Variants in SLC39A11 observed in about 807,000 individuals in gnomAD.
SLC39A11 encodes solute carrier family 39 member 11.
A neutral mutation model predicts 36.1 loss-of-function variants in SLC39A11; 33 were observed. That is an observed-to-expected ratio of 0.91 (90% confidence interval 0.69 to 1.22). The LOEUF (loss-of-function observed/expected upper bound fraction) is 1.22, where lower values mean the gene tolerates loss of function less well. Ranked by LOEUF, SLC39A11 falls within the 50% of genes most tolerant of loss-of-function variation. SLC39A11 has a pLI of 0.00. For missense variants in SLC39A11, 432 were observed against 430.3 expected (o/e 1.00, Z -0.03); for synonymous variants, 166 against 170.3 (o/e 0.97, Z 0.20).
chr17:73,052,866 A>G (rs1219572813), intron 3 of SLC39A11, among the ~76,000 whole-genome samples: 1 of 152,034 alleles, frequency 6.6e-6, no homozygotes, highest in East Asian at 1.9e-4. Context: ...ATGCCTGGCT[A>G]ATTTTTGCAT....
rs778405587 is a variant in SLC39A11 at position 72,849,800 on chromosome 17, C to A, written c.435G>T (p.Lys145Asn). ...TCTGATATGCCTCACCATTCTCACT[C>A]TTGTCTGAGCAAAAAAAAAAAAAAA... ...PESELSIRID[K>N]SENGEAYQRK... Residue 145 changes from lysine (K) to asparagine (N), a missense_variant, in exon 6 of 10, where the codon AAG becomes AAT. Coordinates refer to ENST00000255559, the MANE Select transcript of SLC39A11 (RefSeq NM_139177.4). 1 of 1,486,978 alleles carries A rather than the reference C, an allele frequency of 6.7e-7. No individual in the cohort carries two copies. The highest frequency in any genetic ancestry group is 8.8e-7 in the Non-Finnish European group (1 of 1,131,254). The allele number at this position is 1,486,978 out of a possible 1,614,324, so 92.1% of individuals were successfully genotyped here. A position where few individuals can be genotyped will look rare whatever the true frequency, so the allele number is the denominator to read the frequency against.
intron 5 of SLC39A11, among the ~76,000 whole-genome samples, chr17:72,883,928 G>T (rs1349232942): frequency 6.6e-6 from 1 of 152,176 alleles, no homozygotes; most frequent in Admixed American, 6.5e-5. Context: ...GCTGAGACAG[G>T]TGGATTGCTT....
chr17:73,084,774 T>C, intron 3 of SLC39A11, 34 bp downstream of exon 3: 2 of 1,612,136 alleles, frequency 1.2e-6, no homozygotes, highest in African/African-American at 1.3e-5. Context: ...TCAGTATGCC[T>C]CAATTTCCAT....
intron 4 of SLC39A11, among the ~76,000 whole-genome samples, chr17:73,012,331 A>C (rs188407736): frequency 6.6e-6 from 1 of 152,268 alleles, no homozygotes; most frequent in East Asian, 1.9e-4. Context: ...CATAGAGGAT[A>C]AACGCTTGAG....
chr17:72,836,696 C>T lies in SLC39A11; in HGVS notation c.601+12938G>A, dbSNP rs149712124. Among the ~76,000 whole-genome samples the T allele has an allele frequency of 4.7e-3, 722 of 152,160 alleles. 4 individuals carry two copies. Among genetic ancestry groups the T allele is most frequent in the African/African-American group, 0.016 (672 of 41,502 alleles). On this transcript the variant is annotated intron_variant, in intron 6 of 9. Coordinates refer to ENST00000255559, the MANE Select transcript of SLC39A11 (RefSeq NM_139177.4). ...CAGTTTCTAAAATGTAAAACAGGGA[C>T]GCAAATATCTAAATCATGTATGTGG...
intron 7 of SLC39A11, among the ~76,000 whole-genome samples, chr17:72,670,763 C>T (rs1051084226): frequency 6.6e-6 from 1 of 152,116 alleles, no homozygotes. Flanking sequence ...TTGACATGGC[C>T]TTTTGGAAAG....
intron 4 of SLC39A11, among the ~76,000 whole-genome samples, chr17:73,030,592 A>ATTTT (rs1210356426): frequency 6.6e-6 from 1 of 152,068 alleles, no homozygotes; most frequent in Non-Finnish European, 1.5e-5. Context: ...ACTTTGACCC[A>ATTTT]TTTCTCTCCA....
At chr17:72,719,265 C>T (rs894621518) in intron 7 of SLC39A11, among the ~76,000 whole-genome samples, 2 of 152,030 alleles carry the variant, frequency 1.3e-5, no homozygotes, top group African/African-American at 4.8e-5. Context: ...CCTGAATCTG[C>T]CTCTTACCAG....
chr17:72,771,032 C>T (rs886150182), intron 6 of SLC39A11, among the ~76,000 whole-genome samples: 5 of 150,530 alleles, frequency 3.3e-5, no homozygotes, highest in Admixed American at 2.6e-4. Context: ...TTAGCATTTA[C>T]GACATGCCAG....
At chr17:72,683,059 C>T (rs1223146718) in intron 7 of SLC39A11, among the ~76,000 whole-genome samples, 1 of 152,212 alleles carries the variant, frequency 6.6e-6, no homozygotes, top group Non-Finnish European at 1.5e-5. Flanking sequence ...AGCACCTTTA[C>T]TGTCATGTGG....
intron 5 of SLC39A11, among the ~76,000 whole-genome samples, chr17:72,905,778 G>T (rs1335556084): frequency 4.0e-5 from 6 of 150,752 alleles, no homozygotes; most frequent in Admixed American, 4.0e-4. Flanking sequence ...TTTTGAGACA[G>T]AGTCTCGCTC....
intron 4 of SLC39A11, among the ~76,000 whole-genome samples, chr17:73,010,576 T>C (rs1346435248): frequency 6.6e-6 from 1 of 152,186 alleles, no homozygotes; most frequent in Non-Finnish European, 1.5e-5. Flanking sequence ...TAGATGTTAA[T>C]ATTTTTTCTA....
At chr17:72,687,963 C>T (rs1370196609) in intron 7 of SLC39A11, among the ~76,000 whole-genome samples, 3 of 152,182 alleles carry the variant, frequency 2.0e-5, no homozygotes, top group Admixed American at 6.5e-5. Flanking sequence ...CACTGACAGC[C>T]AACGACACCA....
intron 5 of SLC39A11, among the ~76,000 whole-genome samples, chr17:72,888,976 T>C (rs920182928): frequency 1.3e-5 from 2 of 152,084 alleles, no homozygotes; most frequent in African/African-American, 4.8e-5. Context: ...AGACATGGTG[T>C]GCAGAGGTCA....
intron 7 of SLC39A11, among the ~76,000 whole-genome samples, chr17:72,688,635 C>G (rs886531175): frequency 4.6e-5 from 7 of 152,222 alleles, no homozygotes; most frequent in Non-Finnish European, 8.8e-5. Context: ...TTCACATATA[C>G]TTTTCACAGT....
intron 7 of SLC39A11, among the ~76,000 whole-genome samples, chr17:72,686,176 C>T (rs1484266747): frequency 6.6e-6 from 1 of 152,222 alleles, no homozygotes; most frequent in Admixed American, 6.5e-5. Context: ...CACTCAACAT[C>T]TGTTCTTTGT....
intron 6 of SLC39A11, 136 bp from the exon 7 acceptor site, chr17:72,736,855 C>A: frequency 1.3e-6 from 1 of 740,946 alleles, no homozygotes; most frequent in South Asian, 1.6e-5. Flanking sequence ...CAGCTTAAAC[C>A]CAGGGAAACT....
intron 7 of SLC39A11, among the ~76,000 whole-genome samples, chr17:72,667,537 C>T (rs370922464): frequency 2.0e-5 from 3 of 152,230 alleles, no homozygotes; most frequent in Admixed American, 2.0e-4. Context: ...GTGCAGGGTG[C>T]ATGGCCAGGA....
At chr17:73,034,460 G>C (rs1478118029) in intron 3 of SLC39A11, among the ~76,000 whole-genome samples, 1 of 152,176 alleles carries the variant, frequency 6.6e-6, no homozygotes, top group Non-Finnish European at 1.5e-5. Context: ...GACCTCAAGT[G>C]ATCTGCCTAC....
Sources: gnomAD v4.1 joint callset for allele counts (sites outside exome capture counted in the v4.1 genomes callset) on GRCh38, gnomAD v4.1.1 for gene constraint, MANE v1.5 for transcripts, NCBI Gene and HGNC (gene_info 2026-07-23, HGNC 2026-07-21) for gene names.